The following RC3H1 variants were observed in gnomAD, a reference collection of about 807,000 sequenced individuals.
RC3H1 encodes ring finger and CCCH-type domains 1, also known as roquin-1.
In RC3H1, 50 loss-of-function variants were observed where a neutral mutation model predicts 138.2. The ratio of observed to expected loss-of-function variants is 0.36; its 90% CI spans 0.29 to 0.46. The LOEUF is 0.46. Ranked by LOEUF, RC3H1 falls within the 20% of genes least tolerant of loss-of-function variation. The pLI, the probability that RC3H1 is intolerant of heterozygous loss-of-function variation, is 1.00. For missense variants in RC3H1, 1,031 were observed against 1,388.1 expected (o/e 0.74, Z 4.09); for synonymous variants, 462 against 489.1 (o/e 0.94, Z 0.73).
chr1:173,983,301 AT>A, intron 4 of RC3H1, 116 bp downstream of exon 4: 1 of 1,249,466 alleles, frequency 8.0e-7, no homozygotes, highest in Non-Finnish European at 1.1e-6. Context: ...ATCAAACAAG[AT>A]ATTAGTTGGT....
intron 1 of RC3H1, among the ~76,000 whole-genome samples, chr1:174,015,220 GTTCA>G (rs754852207): frequency 6.8e-6 from 1 of 147,588 alleles, no homozygotes; most frequent in Non-Finnish European, 1.5e-5. Flanking sequence ...AGATGATTTA[GTTCA>G]TTAATTTTTC....
intron 18 of RC3H1, among the ~76,000 whole-genome samples, chr1:173,942,641 G>GC (rs1658938935): frequency 6.6e-6 from 1 of 151,660 alleles, no homozygotes; most frequent in East Asian, 1.9e-4. Flanking sequence ...GACCATCCTG[G>GC]CTAACACGGT....
Position 173,949,859 on chromosome 1 carries a change from A to C in RC3H1, c.2523+2127T>G, listed in dbSNP as rs1659309064. ...TCTCGTAAAAGCAGCTAAAATCAAT[A>C]ATCCTGAGCTACAGATATAAATACA... On this transcript the variant is annotated intron_variant, in intron 14 of 19. Coordinates refer to ENST00000367696, the MANE Select transcript of RC3H1 (RefSeq NM_172071.4). Among the ~76,000 whole-genome samples the C allele has an allele frequency of 2.0e-5, 3 of 152,326 alleles. No homozygotes were observed. The South Asian group carries it at 6.2e-4, about 32-fold the overall frequency.
At chr1:173,954,618 A>C (rs1463462401) in intron 13 of RC3H1, among the ~76,000 whole-genome samples, 1 of 152,186 alleles carries the variant, frequency 6.6e-6, no homozygotes, top group Non-Finnish European at 1.5e-5. Flanking sequence ...AAAACTTTTA[A>C]CATCATAAAC....
At position 173,941,377 on chromosome 1, in the gene RC3H1, T is replaced by C; in HGVS notation, c.3139A>G (p.Asn1047Asp). Residue 1047 changes from asparagine (N) to aspartate (D), a missense_variant, in exon 19 of 20, where the codon AAC (asparagine) becomes GAC (aspartate). Coordinates refer to ENST00000367696, the MANE Select transcript of RC3H1 (RefSeq NM_172071.4). ...GKRTRELSMENQCSLDMKSKL... is the reference protein window; with the variant it reads ...GKRTRELSMEDQCSLDMKSKL... Reference sequence around the variant, plus strand: ...CTTTTCATGTCCAGAGAACACTGGTTTTCCTTTGAAAGAGAAGGAAATAAA... The same window carrying C: ...CTTTTCATGTCCAGAGAACACTGGTCTTCCTTTGAAAGAGAAGGAAATAAA... 6.2e-7 allele frequency: 1 copy of C among 1,602,568 alleles called. No homozygotes were observed. The highest frequency in any genetic ancestry group is 2.2e-5 in the East Asian group (1 of 44,796).
chr1:173,992,818 A>G lies in RC3H1; in HGVS notation c.168T>C (p.Thr56=), dbSNP rs1284445472. The change falls in exon 2 of 20, where the codon ACT becomes ACC. Residue 56 remains threonine, a synonymous_variant. Coordinates refer to ENST00000367696, the MANE Select transcript of RC3H1 (RefSeq NM_172071.4). Reference sequence around the variant, plus strand: ...GGAGGAGCTCAATGTCTGTATTGATAGTGGTCTGGTCAAATGGGCAAGCCT... The same window carrying G: ...GGAGGAGCTCAATGTCTGTATTGATGGTGGTCTGGTCAAATGGGCAAGCCT... The part of the protein sequence containing the change: ...HRKACPFDQT[T]INTDIELLPV... 1 of 1,614,180 alleles carries G rather than the reference A, an allele frequency of 6.2e-7. No individual in the cohort carries two copies.
rs528682616 is a variant in RC3H1 at position 173,982,178 on chromosome 1, G to A, written c.768+549C>T. Among the ~76,000 whole-genome samples the A allele has an allele frequency of 1.4e-3, 212 of 152,168 alleles. 1 individual carries two copies. The highest frequency in any genetic ancestry group is 1.1e-3 in the Non-Finnish European group (75 of 67,998). On this transcript the variant is annotated intron_variant, in intron 5 of 19. Transcript: ENST00000367696. ...GCAGATCACCTGAGGTCAGGAGTTC[G>A]AGACCAGCCTGGCCAACATGGCGAA...
intron 2 of RC3H1, among the ~76,000 whole-genome samples, chr1:173,989,978 G>C (rs1013199216): frequency 4.7e-5 from 7 of 150,390 alleles, no homozygotes; most frequent in African/African-American, 1.7e-4. Context: ...CACCCGCCTC[G>C]GCCTCCCAAA....
chr1:173,962,510 G>A (rs1659928392), intron 11 of RC3H1, among the ~76,000 whole-genome samples: 1 of 152,180 alleles, frequency 6.6e-6, no homozygotes, highest in Non-Finnish European at 1.5e-5. Context: ...AATTTTGCTG[G>A]CGCAGATTAG....
chr1:174,003,683 C>T (rs537562834), intron 1 of RC3H1, among the ~76,000 whole-genome samples: 24 of 145,680 alleles, frequency 1.6e-4, no homozygotes, highest in African/African-American at 5.6e-4. Context: ...TTTTTTGAGA[C>T]GGAGTCTCTC....
rs554956295 is a variant in RC3H1 at position 173,933,959 on chromosome 1, T to A, written c.*4762A>T. The stretch of plus-strand genomic sequence containing the variant: ...TTAGACTCTTATTAGGGGGAAAAAA[T>A]CTAAGTAAACACTGCAGTTAATTTC... On this transcript the variant is annotated 3_prime_UTR_variant, in exon 20 of 20. Transcript: ENST00000367696. 1.6e-4 allele frequency: 24 copies of A among 152,248 alleles called. No individual in the cohort carries two copies. The highest frequency in any genetic ancestry group is 5.8e-4 in the African/African-American group (24 of 41,554). The allele number at this position is 152,248 out of a possible 1,614,324, so 9.4% of individuals were successfully genotyped here.
intron 19 of RC3H1, among the ~76,000 whole-genome samples, chr1:173,939,539 A>T (rs1658747947): frequency 6.8e-6 from 1 of 148,012 alleles, no homozygotes; most frequent in Admixed American, 6.7e-5. Flanking sequence ...AAAAAAAAAA[A>T]AAAAAAAAAA....
intron 1 of RC3H1, among the ~76,000 whole-genome samples, chr1:174,004,735 T>A (rs1027372918): frequency 6.6e-6 from 1 of 151,910 alleles, no homozygotes; most frequent in Admixed American, 6.6e-5. Context: ...GGAGAATTGC[T>A]TGAACCCAGG....
At chr1:173,943,133 T>C (rs1658979668) in intron 18 of RC3H1, among the ~76,000 whole-genome samples, 1 of 152,202 alleles carries the variant, frequency 6.6e-6, no homozygotes, top group African/African-American at 2.4e-5. Flanking sequence ...ACCATCCTAT[T>C]TGCTTCCCTA....
At chr1:173,944,407 A>G (rs10912701) in intron 17 of RC3H1, among the ~76,000 whole-genome samples, 7,911 of 152,246 alleles carry the variant, frequency 0.052, 668 homozygotes, top group African/African-American at 0.18. Flanking sequence ...TTTAAAACAA[A>G]AAATCATGCA....
chr1:173,985,596 G>C (rs1257215261), intron 2 of RC3H1, among the ~76,000 whole-genome samples: 1 of 151,898 alleles, frequency 6.6e-6, no homozygotes, highest in African/African-American at 2.4e-5. Flanking sequence ...GACTAAATCA[G>C]GTTAATTAAC....
chr1:173,936,701 C>A lies in RC3H1; in HGVS notation c.*2020G>T, dbSNP rs1378974351. Reference sequence around the variant, plus strand: ...TTTTAAGTAAAAGTCAAAAAGCAAACAAAAGCCAAAAAAAAAAGAAAAAGC... The same window carrying A: ...TTTTAAGTAAAAGTCAAAAAGCAAAAAAAAGCCAAAAAAAAAAGAAAAAGC... On this transcript the variant is annotated 3_prime_UTR_variant, in exon 20 of 20. Coordinates refer to ENST00000367696, the MANE Select transcript of RC3H1 (RefSeq NM_172071.4). 6.1e-5 allele frequency: 2 copies of A among 32,796 alleles called. No individual in the cohort carries two copies. The highest frequency in any genetic ancestry group is 8.8e-4 in the East Asian group (1 of 1,136). 2.0% of individuals were successfully genotyped at this position (32,796 alleles called of 1,614,324 possible).
At chr1:173,946,899 T>C in intron 15 of RC3H1, 63 bp from the exon 16 acceptor site, 3 of 1,164,678 alleles carry the variant, frequency 2.6e-6, no homozygotes, top group African/African-American at 1.5e-5. Context: ...AAGGTATTCA[T>C]AATCTGAAAG....
intron 1 of RC3H1, among the ~76,000 whole-genome samples, chr1:174,017,782 T>TTAAAAAAA: frequency 2.3e-5 from 1 of 42,590 alleles, no homozygotes; most frequent in Admixed American, 2.3e-4. Flanking sequence ...CTTTTCTTGC[T>TTAAAAAAA]CAAAAAAAAA....
Sources: allele counts gnomAD v4.1 joint callset (sites outside exome capture counted in the v4.1 genomes callset), GRCh38; gene constraint gnomAD v4.1.1; transcripts MANE v1.5; gene names NCBI Gene and HGNC (gene_info 2026-07-23, HGNC 2026-07-21).